RANBP2: variants seen among roughly 807,000 people sequenced by gnomAD.
RANBP2 encodes E3 SUMO-protein ligase RanBP2.
A neutral mutation model predicts 303.6 loss-of-function variants in RANBP2; 57 were observed. The ratio of observed to expected loss-of-function variants is 0.19; its 90% CI spans 0.15 to 0.23. The LOEUF (loss-of-function observed/expected upper bound fraction) is 0.23. RANBP2 is among the 10% of genes least tolerant of loss of function. RANBP2 has a pLI of 1.00. For missense variants in RANBP2, 3,138 were observed against 3,780.8 expected (o/e 0.83, Z 4.46); for synonymous variants, 1,167 against 1,301.5 (o/e 0.90, Z 2.23).
the RANBP2 span, among the ~76,000 whole-genome samples, chr2:109,069,896 C>T: frequency 0.011 from 1,603 of 152,264 alleles, 22 homozygotes; most frequent in African/African-American, 0.036. Context: ...GTCCTCATAA[C>T]GCCTATAATC....
the RANBP2 span, among the ~76,000 whole-genome samples, chr2:108,951,145 A>G: frequency 1.3e-5 from 2 of 152,234 alleles, no homozygotes; most frequent in East Asian, 1.9e-4. Context: ...GATTCTATGT[A>G]GCTTGAAGCC....
At chr2:109,342,005 T>C in the RANBP2 span, among the ~76,000 whole-genome samples, 4 of 152,212 alleles carry the variant, frequency 2.6e-5, no homozygotes, top group Non-Finnish European at 1.5e-5. Flanking sequence ...TTGGTGTGTA[T>C]ACAATTAGGG....
the RANBP2 span, among the ~76,000 whole-genome samples, chr2:108,831,612 A>T: frequency 1.3e-5 from 2 of 152,202 alleles, no homozygotes; most frequent in African/African-American, 4.8e-5. Flanking sequence ...TTTAGCACAC[A>T]TCAGAATCTC....
chr2:108,758,454 A>C lies in RANBP2; in HGVS notation c.2508A>C (p.Ala836=), dbSNP rs1384877979. 6.2e-7 allele frequency: 1 copy of C among 1,611,894 alleles called. No individual in the cohort carries two copies. The highest frequency in any genetic ancestry group is 2.2e-5 in the East Asian group (1 of 44,884). Residue 836 remains alanine (A), a synonymous_variant, in exon 18 of 29, where the codon GCA becomes GCC. Coordinates refer to ENST00000283195, the MANE Select transcript of RANBP2 (RefSeq NM_006267.5). ...TGAAACTAAATAGCAGTAACTCAGC[A>C]TCCCCTCATCGTTGGCCCACAGAGA... ...QELKLNSSNS[A]SPHRWPTENY...
chr2:109,051,502 TGTGCAG>T, the RANBP2 span, among the ~76,000 whole-genome samples: 4 of 152,218 alleles, frequency 2.6e-5, no homozygotes, highest in African/African-American at 9.6e-5. Context: ...TCGTCCGCAA[TGTGCAG>T]AAGCATGCAG....
the RANBP2 span, among the ~76,000 whole-genome samples, chr2:109,184,926 A>G: frequency 6.6e-6 from 1 of 152,242 alleles, no homozygotes; most frequent in Admixed American, 6.5e-5. Flanking sequence ...GTAAGAAAAT[A>G]TATACATTTT....
chr2:109,662,619 T>C, the RANBP2 span, among the ~76,000 whole-genome samples: 1 of 152,074 alleles, frequency 6.6e-6, no homozygotes, highest in Non-Finnish European at 1.5e-5. Flanking sequence ...TCATGTTGGC[T>C]ATGCTGGTCT....
At chr2:109,346,495 C>A in the RANBP2 span, among the ~76,000 whole-genome samples, 1 of 152,076 alleles carries the variant, frequency 6.6e-6, no homozygotes. Context: ...GGTATTGACA[C>A]CCGAACAATG....
At chr2:109,211,809 T>G in the RANBP2 span, among the ~76,000 whole-genome samples, 1 of 152,068 alleles carries the variant, frequency 6.6e-6, no homozygotes, top group Admixed American at 6.6e-5. Flanking sequence ...TGCCCAGCTA[T>G]TTTTTGTATT....
At chr2:109,192,156 C>T in the RANBP2 span, among the ~76,000 whole-genome samples, 4 of 152,234 alleles carry the variant, frequency 2.6e-5, no homozygotes, top group East Asian at 3.9e-4. Flanking sequence ...TCTTTGAGAG[C>T]GGTTCGGTTC....
chr2:109,091,154 T>C, the RANBP2 span, among the ~76,000 whole-genome samples: 1 of 152,102 alleles, frequency 6.6e-6, no homozygotes, highest in African/African-American at 2.4e-5. Context: ...TGCTTGAGCC[T>C]GGGAGTTTGA....
intron 19 of RANBP2, 52 bp downstream of exon 19, chr2:108,762,247 T>G: frequency 1.4e-6 from 2 of 1,473,290 alleles, no homozygotes; most frequent in Non-Finnish European, 1.8e-6. Context: ...TTAAATTGTT[T>G]AGGGTTCCTT....
the RANBP2 span, among the ~76,000 whole-genome samples, chr2:108,991,567 GC>G: frequency 1.3e-5 from 2 of 152,182 alleles, no homozygotes; most frequent in Non-Finnish European, 2.9e-5. Context: ...CCAGCCACCT[GC>G]CCCCTTCATG....
At chr2:109,267,026 G>A in the RANBP2 span, among the ~76,000 whole-genome samples, 1 of 152,296 alleles carries the variant, frequency 6.6e-6, no homozygotes, top group African/African-American at 2.4e-5. Flanking sequence ...AATACCTGCA[G>A]ACAGAGGTGG....
At chr2:108,851,730 G>A in the RANBP2 span, among the ~76,000 whole-genome samples, 1 of 152,150 alleles carries the variant, frequency 6.6e-6, no homozygotes, top group African/African-American at 2.4e-5. Context: ...TAGAGTCCTG[G>A]CTTGGGCCAA....
chr2:109,157,666 T>C, the RANBP2 span, among the ~76,000 whole-genome samples: 1 of 152,222 alleles, frequency 6.6e-6, no homozygotes, highest in African/African-American at 2.4e-5. Context: ...AAAGATGTGA[T>C]TCAGTTGGTT....
the RANBP2 span, among the ~76,000 whole-genome samples, chr2:109,702,048 C>T: frequency 9.7e-4 from 148 of 152,368 alleles, no homozygotes; most frequent in African/African-American, 3.4e-3. Context: ...TTCTGAAATA[C>T]TGCTGCCATG....
the RANBP2 span, among the ~76,000 whole-genome samples, chr2:109,006,196 C>CT: frequency 1.7e-4 from 25 of 151,076 alleles, 1 homozygote; most frequent in Admixed American, 1.1e-3. Context: ...TTTTCTTTTT[C>CT]TTTTTTTTTA....
At chr2:108,820,715 A>AC in the RANBP2 span, among the ~76,000 whole-genome samples, 1 of 95,634 alleles carries the variant, frequency 1.0e-5, no homozygotes, top group African/African-American at 3.9e-5. Flanking sequence ...AAAAAAAAAA[A>AC]CAAACAACAA....
Sources: allele counts gnomAD v4.1 joint callset (sites outside exome capture counted in the v4.1 genomes callset), GRCh38; gene constraint gnomAD v4.1.1; transcripts MANE v1.5; gene names NCBI Gene and HGNC (gene_info 2026-07-23, HGNC 2026-07-21).